AUTS2: variants seen among roughly 807,000 people sequenced by gnomAD.
AUTS2 encodes the protein activator of transcription and developmental regulator AUTS2.
Under a neutral mutation model 112.4 loss-of-function variants are expected in AUTS2, and 17 were observed. The ratio of observed to expected loss-of-function variants is 0.15; its 90% confidence interval spans 0.10 to 0.23. AUTS2 has a LOEUF of 0.23. AUTS2 is among the 10% of genes least tolerant of loss of function. The probability of loss-of-function intolerance (pLI) is 1.00; values close to 1 mark genes in which losing one functional copy is unlikely to be tolerated. For missense variants in AUTS2, 1,510 were observed against 1,701.6 expected, an observed-to-expected ratio of 0.89 and a Z score of 1.98; for synonymous variants, 751 against 702.7, an observed-to-expected ratio of 1.07 and a Z score of -1.09.
chr7:69,611,017 T>G (rs1793005854), intron 1 of AUTS2, among the ~76,000 whole-genome samples: 2 of 152,198 alleles, frequency 1.3e-5, no homozygotes, highest in Admixed American at 1.3e-4. Flanking sequence ...TGCTAAATTT[T>G]TGGAATTGGC....
chr7:70,714,847 C>G (rs1160796734), intron 6 of AUTS2, among the ~76,000 whole-genome samples: 1 of 152,232 alleles, frequency 6.6e-6, no homozygotes, highest in Admixed American at 6.5e-5. Context: ...TGCCTCACAT[C>G]TGGGAACACA....
intron 2 of AUTS2, among the ~76,000 whole-genome samples, chr7:70,110,498 A>G (rs1805014511): frequency 6.6e-6 from 1 of 152,216 alleles, no homozygotes; most frequent in Non-Finnish European, 1.5e-5. Context: ...CTTGGGCACC[A>G]AGAGTGAAAC....
At chr7:69,873,490 A>G (rs1793596208) in intron 1 of AUTS2, among the ~76,000 whole-genome samples, 2 of 151,392 alleles carry the variant, frequency 1.3e-5, no homozygotes, top group Non-Finnish European at 1.5e-5. Flanking sequence ...CAGAACATCA[A>G]TATTCTCATT....
At chr7:69,993,581 A>G (rs1158941418) in intron 2 of AUTS2, among the ~76,000 whole-genome samples, 1 of 152,084 alleles carries the variant, frequency 6.6e-6, no homozygotes, top group Non-Finnish European at 1.5e-5. Flanking sequence ...CTTTTAAACA[A>G]AAATTAGCCA....
At chr7:69,962,611 A>G (rs758459516) in intron 2 of AUTS2, among the ~76,000 whole-genome samples, 5 of 151,988 alleles carry the variant, frequency 3.3e-5, no homozygotes, top group Admixed American at 6.6e-5. Flanking sequence ...TTCATTTGCA[A>G]ATTCTTTCTT....
intron 5 of AUTS2, among the ~76,000 whole-genome samples, chr7:70,641,445 G>A (rs1489594968): frequency 6.6e-6 from 1 of 152,086 alleles, no homozygotes; most frequent in African/African-American, 2.4e-5. Context: ...CCAGCTACTC[G>A]GGAGACTGAG....
chr7:70,037,012 T>TA (rs34151305), intron 2 of AUTS2, among the ~76,000 whole-genome samples: 3 of 152,266 alleles, frequency 2.0e-5, no homozygotes, highest in African/African-American at 4.8e-5. Flanking sequence ...ACAGGTGTTT[T>TA]AAAAAAATAA....
chr7:70,701,340 G>A (rs947138466), intron 6 of AUTS2, among the ~76,000 whole-genome samples: 1 of 152,232 alleles, frequency 6.6e-6, no homozygotes, highest in African/African-American at 2.4e-5. Flanking sequence ...AGGCCCATCA[G>A]TCAGCTTGTG....
intron 5 of AUTS2, among the ~76,000 whole-genome samples, chr7:70,630,063 GC>G (rs1312787819): frequency 6.6e-6 from 1 of 152,176 alleles, no homozygotes; most frequent in Non-Finnish European, 1.5e-5. Flanking sequence ...TGTCTGAGCA[GC>G]TTGGATCGCA....
At chr7:69,665,833 T>G (rs911814196) in intron 1 of AUTS2, among the ~76,000 whole-genome samples, 5 of 152,200 alleles carry the variant, frequency 3.3e-5, no homozygotes, top group African/African-American at 1.2e-4. Context: ...AGATAAATGC[T>G]TTATTGGGCA....
chr7:70,023,345 G>A (rs2159678), intron 2 of AUTS2, among the ~76,000 whole-genome samples: 8 of 152,026 alleles, frequency 5.3e-5, no homozygotes, highest in Admixed American at 4.6e-4. Context: ...ACAAACTGCC[G>A]TTCCTGGTGA....
chr7:70,545,924 C>A (rs952571814), intron 5 of AUTS2, among the ~76,000 whole-genome samples: 2 of 152,118 alleles, frequency 1.3e-5, no homozygotes, highest in Non-Finnish European at 1.5e-5. Context: ...TTGTGTAAGT[C>A]TGGAAATGGT....
chr7:70,604,234 G>C (rs774112167), intron 5 of AUTS2, among the ~76,000 whole-genome samples: 1 of 152,170 alleles, frequency 6.6e-6, no homozygotes, highest in Non-Finnish European at 1.5e-5. Context: ...TAAAAGCTTT[G>C]GTGACTGTCG....
At chr7:69,804,721 T>A (rs1790226335) in intron 1 of AUTS2, among the ~76,000 whole-genome samples, 1 of 152,240 alleles carries the variant, frequency 6.6e-6, no homozygotes, top group South Asian at 2.1e-4. Flanking sequence ...AGTTTTGTTA[T>A]CACATTTCTT....
intron 4 of AUTS2, among the ~76,000 whole-genome samples, chr7:70,211,476 C>T (rs899102758): frequency 1.3e-5 from 2 of 150,790 alleles, no homozygotes; most frequent in Non-Finnish European, 2.9e-5. Flanking sequence ...GGTGAAACCC[C>T]GTCTCTACTA....
intron 5 of AUTS2, among the ~76,000 whole-genome samples, chr7:70,660,031 G>A (rs1414729183): frequency 1.3e-5 from 2 of 152,032 alleles, no homozygotes; most frequent in African/African-American, 4.8e-5. Flanking sequence ...ACAAAAATTA[G>A]CCAGGCATGG....
chr7:69,607,800 A>G (rs1332967140), intron 1 of AUTS2, among the ~76,000 whole-genome samples: 4 of 152,248 alleles, frequency 2.6e-5, no homozygotes, highest in African/African-American at 2.4e-5. Context: ...GAAAATTGCT[A>G]ATGCAAGTTG....
At chr7:69,990,609 A>G (rs1465939639) in intron 2 of AUTS2, among the ~76,000 whole-genome samples, 2 of 152,174 alleles carry the variant, frequency 1.3e-5, no homozygotes, top group Non-Finnish European at 2.9e-5. Context: ...TACAGATAAT[A>G]TATCTACAGC....
chr7:70,040,609 C>T (rs1801203196), intron 2 of AUTS2, among the ~76,000 whole-genome samples: 1 of 152,136 alleles, frequency 6.6e-6, no homozygotes, highest in Non-Finnish European at 1.5e-5. Context: ...AGATCTAATT[C>T]CTTCTGCCAC....
Sources: allele counts gnomAD v4.1 joint callset (sites outside exome capture counted in the v4.1 genomes callset), GRCh38; gene constraint gnomAD v4.1.1; transcripts MANE v1.5; gene names NCBI Gene and HGNC (gene_info 2026-07-23, HGNC 2026-07-21).